The following LRRC4C variants were observed in gnomAD, a reference collection of about 807,000 sequenced individuals.
LRRC4C encodes the protein leucine-rich repeat-containing protein 4C.
LRRC4C carries 5 observed loss-of-function variants against 33.6 expected under a neutral mutation model. The observed-to-expected ratio is 0.15, with a 90% CI of 0.08 to 0.31. LRRC4C has a LOEUF of 0.31. LRRC4C is among the 10% of genes least tolerant of loss of function. LRRC4C has a pLI of 1.00. For synonymous variants in LRRC4C, 329 were observed against 302.0 expected (o/e 1.09, Z -0.93); for missense variants, 560 against 796.7 (o/e 0.70, Z 3.58).
In LRRC4C at chr11:40,225,710, G is replaced by T. The variant is rs954875325; in HGVS notation, c.-96+15809C>A. Among the ~76,000 whole-genome samples the T allele has an allele frequency of 4.0e-5, 6 of 150,534 alleles. No homozygotes were observed. In the East Asian group the frequency reaches 9.9e-4, roughly 25 times the overall value. ...CGGCTCACAGCAACTTCCGCCTCCC[G>T]GGTTCAAGCAATTCTCCTGCCTCAG... On this transcript the variant is annotated intron_variant, in intron 5 of 6. Transcript: ENST00000528697.
chr11:41,113,918 C>T (rs533466749), intron 1 of LRRC4C, among the ~76,000 whole-genome samples: 1 of 151,978 alleles, frequency 6.6e-6, no homozygotes, highest in East Asian at 1.9e-4. Flanking sequence ...ATATTAGAAG[C>T]ACCATGAGAA....
chr11:40,763,490 T>C (rs975769853), intron 2 of LRRC4C, among the ~76,000 whole-genome samples: 5 of 152,132 alleles, frequency 3.3e-5, no homozygotes, highest in Non-Finnish European at 7.4e-5. Context: ...ACTTTCATAA[T>C]AACCAAAAAT....
At chr11:41,065,208 T>A (rs1440345066) in intron 1 of LRRC4C, among the ~76,000 whole-genome samples, 1 of 141,804 alleles carries the variant, frequency 7.1e-6, no homozygotes, top group Admixed American at 7.5e-5. Context: ...GGGAACAGGT[T>A]TGGTGAGGGG....
At chr11:40,829,657 T>A (rs928081664) in intron 2 of LRRC4C, among the ~76,000 whole-genome samples, 5 of 152,068 alleles carry the variant, frequency 3.3e-5, no homozygotes, top group Non-Finnish European at 7.4e-5. Context: ...AGGTCTGTGC[T>A]GTAGAAAGAA....
At chr11:40,621,579 T>C (rs1270058529) in intron 3 of LRRC4C, among the ~76,000 whole-genome samples, 1 of 151,774 alleles carries the variant, frequency 6.6e-6, no homozygotes. Flanking sequence ...GAGATGCTTT[T>C]AGCAATGTTT....
intron 2 of LRRC4C, among the ~76,000 whole-genome samples, chr11:40,717,565 T>C (rs1199716668): frequency 3.3e-5 from 5 of 152,104 alleles, no homozygotes; most frequent in African/African-American, 7.2e-5. Context: ...GGTTCTTTTT[T>C]TGGGGGGGTA....
chr11:41,238,693 C>A (rs1403856844), intron 1 of LRRC4C, among the ~76,000 whole-genome samples: 2 of 152,116 alleles, frequency 1.3e-5, no homozygotes, highest in Non-Finnish European at 2.9e-5. Flanking sequence ...GACACAAAGC[C>A]TCAGCTGTAA....
chr11:40,385,290 G>A (rs1949060106), intron 3 of LRRC4C, among the ~76,000 whole-genome samples: 1 of 152,108 alleles, frequency 6.6e-6, no homozygotes, highest in Admixed American at 6.5e-5. Context: ...ATCTCAAGGG[G>A]AACTGCATTA....
intron 2 of LRRC4C, among the ~76,000 whole-genome samples, chr11:40,817,699 T>C (rs1951762518): frequency 1.3e-5 from 2 of 152,132 alleles, no homozygotes; most frequent in Admixed American, 1.3e-4. Context: ...ATCTTATCTC[T>C]TCCTTACATT....
At chr11:40,625,237 A>G (rs757809608) in intron 3 of LRRC4C, among the ~76,000 whole-genome samples, 1 of 152,182 alleles carries the variant, frequency 6.6e-6, no homozygotes, top group Non-Finnish European at 1.5e-5. Flanking sequence ...TAAAGTAACT[A>G]TTGTGAAACT....
At chr11:41,221,270 T>C (rs1947293979) in intron 1 of LRRC4C, among the ~76,000 whole-genome samples, 1 of 149,634 alleles carries the variant, frequency 6.7e-6, no homozygotes, top group Non-Finnish European at 1.5e-5. Context: ...AAGACATATG[T>C]GCGGCCAACC....
intron 3 of LRRC4C, among the ~76,000 whole-genome samples, chr11:40,583,413 C>G (rs568083624): frequency 6.6e-6 from 1 of 152,176 alleles, no homozygotes; most frequent in African/African-American, 2.4e-5. Context: ...TTAATGGTGC[C>G]GCTTTCCTGC....
chr11:40,410,547 T>C (rs970092867), intron 3 of LRRC4C, among the ~76,000 whole-genome samples: 1 of 152,086 alleles, frequency 6.6e-6, no homozygotes, highest in African/African-American at 2.4e-5. Context: ...TTATATCTTA[T>C]TGAGTTCATG....
intron 4 of LRRC4C, among the ~76,000 whole-genome samples, chr11:40,318,115 G>A (rs879919277): frequency 1.3e-5 from 2 of 151,802 alleles, no homozygotes; most frequent in Admixed American, 1.3e-4. Flanking sequence ...CACTATACTC[G>A]TCTATGCCAA....
At chr11:41,071,410 G>A (rs1467936631) in intron 1 of LRRC4C, among the ~76,000 whole-genome samples, 1 of 152,080 alleles carries the variant, frequency 6.6e-6, no homozygotes, top group Non-Finnish European at 1.5e-5. Flanking sequence ...GGAACTTAAA[G>A]TAAAATAGAA....
At chr11:41,009,569 A>G (rs927019900) in intron 1 of LRRC4C, among the ~76,000 whole-genome samples, 3 of 150,060 alleles carry the variant, frequency 2.0e-5, no homozygotes, top group Non-Finnish European at 4.4e-5. Flanking sequence ...CAAATTCAAG[A>G]AAAAAAAATC....
chr11:40,986,971 T>G (rs888125760), intron 1 of LRRC4C, among the ~76,000 whole-genome samples: 2 of 152,220 alleles, frequency 1.3e-5, no homozygotes, highest in Non-Finnish European at 2.9e-5. Flanking sequence ...GGATAATTAA[T>G]AGCAACATCA....
At chr11:40,653,737 G>A (rs2136166173) in intron 2 of LRRC4C, among the ~76,000 whole-genome samples, 1 of 152,322 alleles carries the variant, frequency 6.6e-6, no homozygotes, top group Non-Finnish European at 1.5e-5. Flanking sequence ...ATTTGCATAA[G>A]TAATGAGGAG....
Position 41,030,296 on chromosome 11 carries a change from C to T in LRRC4C, c.-495-96573G>A, listed in dbSNP as rs549062047. ...GCTATGCAGCTATTCCTCAAGAGAA[C>T]GGAGTCAAAATATTAAACCTAAGGG... On this transcript the variant is annotated intron_variant, in intron 1 of 6. Transcript: ENST00000528697. Among the ~76,000 whole-genome samples the T allele has an allele frequency of 2.1e-4, 32 of 151,826 alleles. 1 individual carries two copies. The South Asian group carries it at 4.1e-3, about 20-fold the overall frequency.
Sources: allele counts gnomAD v4.1 joint callset (sites outside exome capture counted in the v4.1 genomes callset), GRCh38; gene constraint gnomAD v4.1.1; transcripts MANE v1.5; gene names NCBI Gene and HGNC (gene_info 2026-07-23, HGNC 2026-07-21).